ZNF654: variants seen among roughly 807,000 people sequenced by gnomAD.
ZNF654 encodes the protein melanoma-associated antigen.
In ZNF654, 19 loss-of-function variants were observed where a neutral mutation model predicts 95.3. That is an observed-to-expected ratio of 0.20 (90% CI 0.14 to 0.29). The LOEUF (loss-of-function observed/expected upper bound fraction) is 0.29. Among genes scored for constraint, ZNF654 ranks in the 10% least tolerant of loss-of-function variants. The pLI, the probability that ZNF654 is intolerant of heterozygous loss-of-function variation, is 1.00. For synonymous variants in ZNF654, 413 were observed against 457.9 expected (o/e 0.90, Z 1.25); for missense variants, 1,046 against 1,341.0 (o/e 0.78, Z 3.44).
chr3:88,137,194 CAAAAAAAAAAAAA>C lies in ZNF654; in HGVS notation c.1036-1499_1036-1487del, dbSNP rs11401199. ...TGGGTGACAGTGCGAGACTCTGTCT[CAAAAAAAAAAAAA>C]AAAAAAAAAAAGGATGTAGATAGAA... On this transcript the variant is annotated intron_variant, in intron 7 of 8. Transcript: ENST00000636215. 5.7e-5 allele frequency among the ~76,000 whole-genome samples: 4 copies of C among 70,754 alleles called. No individual in the cohort carries two copies. In the South Asian group the frequency reaches 2.2e-3, roughly 39 times the overall value. 46.4% of individuals were successfully genotyped at this position (70,754 alleles called of 152,430 possible). A position where few individuals can be genotyped will look rare whatever the true frequency, so the allele number is the denominator to read the frequency against.
At chr3:88,108,706 C>T (rs1704897834) in intron 2 of ZNF654, among the ~76,000 whole-genome samples, 2 of 152,020 alleles carry the variant, frequency 1.3e-5, no homozygotes, top group South Asian at 4.1e-4. Context: ...TGCTTGTGTT[C>T]AGGTAACCCT....
chr3:88,103,443 A>T (rs1704550093), intron 2 of ZNF654, among the ~76,000 whole-genome samples: 1 of 152,212 alleles, frequency 6.6e-6, no homozygotes, highest in Non-Finnish European at 1.5e-5. Context: ...ACCCAAACTA[A>T]AAGGCAAGGA....
intron 2 of ZNF654, among the ~76,000 whole-genome samples, chr3:88,088,419 TAGAG>T (rs376905875): frequency 1.3e-3 from 197 of 152,302 alleles, no homozygotes; most frequent in Non-Finnish European, 2.0e-3. Flanking sequence ...TTAGCATTTT[TAGAG>T]AGAATTGAGA....
At chr3:88,138,674 GTATT>G (rs1225678725) in intron 7 of ZNF654, 27 bp from the exon 8 acceptor site, 5 of 1,205,584 alleles carry the variant, frequency 4.1e-6, no homozygotes, top group Non-Finnish European at 5.2e-6. Context: ...TGGAAAAAAA[GTATT>G]TAGCACTAAT....
intron 2 of ZNF654, among the ~76,000 whole-genome samples, chr3:88,104,002 T>C (rs1704591900): frequency 1.3e-5 from 2 of 152,006 alleles, no homozygotes; most frequent in African/African-American, 4.8e-5. Context: ...CCTCAGGCGA[T>C]CCACCTGCCT....
chr3:88,082,438 T>G (rs1206769281), intron 1 of ZNF654, among the ~76,000 whole-genome samples: 1 of 152,206 alleles, frequency 6.6e-6, no homozygotes, highest in Non-Finnish European at 1.5e-5. Flanking sequence ...GAATCAGTTT[T>G]TAAAAGTGGC....
At chr3:88,081,161 C>CA (rs1239501150) in intron 1 of ZNF654, among the ~76,000 whole-genome samples, 1 of 152,126 alleles carries the variant, frequency 6.6e-6, no homozygotes, top group Non-Finnish European at 1.5e-5. Flanking sequence ...TCAATCTATG[C>CA]ATTTTTGGCA....
At chr3:88,111,231 T>C (rs560693810) in intron 2 of ZNF654, among the ~76,000 whole-genome samples, 5 of 152,066 alleles carry the variant, frequency 3.3e-5, no homozygotes, top group East Asian at 3.9e-4. Context: ...TTTATACTTA[T>C]TAATAGTAAA....
chr3:88,144,514 G>C lies in ZNF654; in HGVS notation c.*2862G>C, dbSNP rs1707264452. 6.6e-6 allele frequency: 1 copy of C among 152,358 alleles called. No individual in the cohort carries two copies. The highest frequency in any genetic ancestry group is 2.1e-4 in the South Asian group (1 of 4,830). 9.4% of individuals were successfully genotyped at this position (152,358 alleles called of 1,614,324 possible). ...GAAAGGAAATTTGTGCTTCCTTGTTGAATGTTAAATTATTTTACTTTGCAT... is the reference window on the plus strand; with the variant it reads ...GAAAGGAAATTTGTGCTTCCTTGTTCAATGTTAAATTATTTTACTTTGCAT... On this transcript the variant is annotated 3_prime_UTR_variant, in exon 9 of 9. Coordinates refer to ENST00000636215, the MANE Select transcript of ZNF654 (RefSeq NM_001350134.2).
At chr3:88,135,653 T>C (rs896815988) in intron 7 of ZNF654, among the ~76,000 whole-genome samples, 6 of 152,094 alleles carry the variant, frequency 3.9e-5, no homozygotes, top group African/African-American at 1.4e-4. Flanking sequence ...TTAAATTGTT[T>C]ATTTGAAGTA....
intron 1 of ZNF654, among the ~76,000 whole-genome samples, chr3:88,067,428 G>A (rs1422021271): frequency 6.6e-6 from 1 of 152,190 alleles, no homozygotes; most frequent in African/African-American, 2.4e-5. Flanking sequence ...CGTGTGGATG[G>A]TATTCGAAGT....
intron 3 of ZNF654, among the ~76,000 whole-genome samples, chr3:88,123,191 A>G (rs1201145848): frequency 6.6e-6 from 1 of 152,096 alleles, no homozygotes; most frequent in Admixed American, 6.5e-5. Context: ...GCCAAAAAAT[A>G]CTTGTAAGCT....
At position 88,142,296 on chromosome 3, in the gene ZNF654, C is replaced by CAA. The variant is rs77096741; in HGVS notation, c.*651_*652dup. On this transcript the variant is annotated 3_prime_UTR_variant, in exon 9 of 9. Coordinates refer to ENST00000636215, the MANE Select transcript of ZNF654 (RefSeq NM_001350134.2). ...CAGCATTGAAAATTAAAAAACAAAACAAAAAAAACCACAGTGCTTTGCTAA... is the reference window on the plus strand; with the variant it reads ...CAGCATTGAAAATTAAAAAACAAAACAAAAAAAAAACCACAGTGCTTTGCTAA... The CAA allele has an allele frequency of 0.78, 117,828 of 151,028 alleles. 46,868 individuals carry two copies. The highest frequency in any genetic ancestry group is 0.91 in the South Asian group (4,349 of 4,788). The allele number at this position is 151,028 out of a possible 1,614,324, so 9.4% of individuals were successfully genotyped here.
At chr3:88,133,658 T>A (rs771517636) in intron 6 of ZNF654, among the ~76,000 whole-genome samples, 4 of 152,118 alleles carry the variant, frequency 2.6e-5, no homozygotes, top group Non-Finnish European at 5.9e-5. Flanking sequence ...TTCCTGAGAT[T>A]CAAATCCTGA....
intron 2 of ZNF654, among the ~76,000 whole-genome samples, chr3:88,108,403 G>A (rs557688984): frequency 1.3e-5 from 2 of 152,200 alleles, no homozygotes; most frequent in Admixed American, 6.5e-5. Context: ...AAAATACAGT[G>A]TACAGTTTTC....
intron 1 of ZNF654, among the ~76,000 whole-genome samples, chr3:88,066,142 T>G (rs1707186485): frequency 6.6e-6 from 1 of 152,232 alleles, no homozygotes; most frequent in African/African-American, 2.4e-5. Flanking sequence ...AAAAATGAAT[T>G]GGTTAAATAA....
At chr3:88,116,685 G>T (rs1220957533) in intron 3 of ZNF654, among the ~76,000 whole-genome samples, 2 of 151,620 alleles carry the variant, frequency 1.3e-5, no homozygotes, top group African/African-American at 2.4e-5. Flanking sequence ...AGAGAATGAG[G>T]GTATGATCCA....
chr3:88,097,294 G>C (rs1219769219), intron 2 of ZNF654, among the ~76,000 whole-genome samples: 2 of 151,742 alleles, frequency 1.3e-5, no homozygotes, highest in African/African-American at 4.8e-5. Context: ...CCTCTGTAAA[G>C]GTTGAACCAA....
At chr3:88,083,555 C>A (rs1371304679) in intron 1 of ZNF654, among the ~76,000 whole-genome samples, 2 of 152,086 alleles carry the variant, frequency 1.3e-5, no homozygotes, top group Non-Finnish European at 2.9e-5. Context: ...CATCAGTGTT[C>A]CTATAATTTC....
Sources: gnomAD v4.1 joint callset for allele counts (sites outside exome capture counted in the v4.1 genomes callset) on GRCh38, gnomAD v4.1.1 for gene constraint, MANE v1.5 for transcripts, NCBI Gene and HGNC (gene_info 2026-07-23, HGNC 2026-07-21) for gene names.